The following CSMD1 variants were observed in gnomAD, a reference collection of about 807,000 sequenced individuals.
The protein encoded by CSMD1 is CUB and sushi domain-containing protein 1.
Under a neutral mutation model 417.5 loss-of-function variants are expected in CSMD1, and 213 were observed. The observed-to-expected ratio is 0.51, with a 90% CI of 0.46 to 0.57. The LOEUF (loss-of-function observed/expected upper bound fraction) is 0.57, where lower values mean the gene tolerates loss of function less well. CSMD1 is among the 20% of genes least tolerant of loss of function. CSMD1 has a pLI of 0.00. For missense variants in CSMD1, 6,923 were observed against 4,529.7 expected (o/e 1.53, Z -15.17); for synonymous variants, 2,862 against 1,736.8 (o/e 1.65, Z -16.11).
At chr8:3,954,907 C>T (rs1208862799) in intron 5 of CSMD1, among the ~76,000 whole-genome samples, 1 of 152,170 alleles carries the variant, frequency 6.6e-6, no homozygotes, top group Non-Finnish European at 1.5e-5. Flanking sequence ...AACTCATGCT[C>T]CTCCATCTTT....
Position 3,569,301 on chromosome 8 carries a change from G to T in CSMD1, c.1344+5644C>A, listed in dbSNP as rs182228361. ...AACATGTGATGTGCATTATTAGGGA[G>T]ATGCTAAGATTCCGCAAGTAATTAT... On this transcript the variant is annotated intron_variant, in intron 10 of 69. Coordinates refer to ENST00000635120, the MANE Select transcript of CSMD1 (RefSeq NM_033225.6). Among the ~76,000 whole-genome samples, 1,451 of 152,276 alleles carry T rather than the reference G, an allele frequency of 9.5e-3. 16 individuals carry two copies. Among genetic ancestry groups the T allele is most frequent in the Non-Finnish European group, 0.014 (949 of 68,020 alleles).
chr8:3,508,787 G>A (rs999802803), intron 10 of CSMD1, among the ~76,000 whole-genome samples: 2 of 152,062 alleles, frequency 1.3e-5, no homozygotes, highest in African/African-American at 4.8e-5. Flanking sequence ...CCTCCGTAAT[G>A]CTCCACCACC....
At chr8:3,710,330 A>C (rs1801436753) in intron 6 of CSMD1, among the ~76,000 whole-genome samples, 1 of 152,114 alleles carries the variant, frequency 6.6e-6, no homozygotes, top group Non-Finnish European at 1.5e-5. Context: ...ACACATACCC[A>C]CGACCAACTG....
chr8:4,855,278 A>G (rs1801730459), intron 1 of CSMD1, among the ~76,000 whole-genome samples: 1 of 151,770 alleles, frequency 6.6e-6, no homozygotes, highest in Admixed American at 6.6e-5. Flanking sequence ...AACCATCATC[A>G]AAGACCAAAA....
chr8:4,606,672 G>C lies in CSMD1; in HGVS notation c.302+30670C>G, dbSNP rs151246852. Among the ~76,000 whole-genome samples, 1,363 of 152,224 alleles carry C rather than the reference G, an allele frequency of 9.0e-3. 19 individuals are homozygous for C. Among genetic ancestry groups the C allele is most frequent in the African/African-American group, 0.031 (1,288 of 41,528 alleles). Reference sequence around the variant, plus strand: ...CAACCATGATGTGTTCTATTCACTTGGATGACTTCTGTACATAATATTGTA... The same window carrying C: ...CAACCATGATGTGTTCTATTCACTTCGATGACTTCTGTACATAATATTGTA... On this transcript the variant is annotated intron_variant, in intron 2 of 69. Coordinates refer to ENST00000635120, the MANE Select transcript of CSMD1 (RefSeq NM_033225.6).
intron 50 of CSMD1, among the ~76,000 whole-genome samples, chr8:3,051,538 C>T (rs1472234855): frequency 6.6e-6 from 1 of 152,130 alleles, no homozygotes; most frequent in Admixed American, 6.6e-5. Context: ...ACACCAAACC[C>T]CTGTGACACG....
intron 2 of CSMD1, among the ~76,000 whole-genome samples, chr8:4,515,394 C>A (rs764594451): frequency 6.6e-6 from 1 of 151,990 alleles, no homozygotes; most frequent in East Asian, 1.9e-4. Context: ...GTTATGGGAC[C>A]CATGAAGAGG....
At chr8:3,867,910 C>T (rs1234515136) in intron 5 of CSMD1, among the ~76,000 whole-genome samples, 5 of 151,964 alleles carry the variant, frequency 3.3e-5, no homozygotes, top group African/African-American at 4.8e-5. Flanking sequence ...GTGTCACCTC[C>T]GCCTCCTGCC....
At chr8:3,408,969 A>C (rs1009313320) in intron 13 of CSMD1, among the ~76,000 whole-genome samples, 1 of 152,178 alleles carries the variant, frequency 6.6e-6, no homozygotes, top group Non-Finnish European at 1.5e-5. Flanking sequence ...CTACTTGTTA[A>C]AATAGTATTC....
intron 6 of CSMD1, among the ~76,000 whole-genome samples, chr8:3,752,417 G>T (rs1028226339): frequency 6.6e-6 from 1 of 152,096 alleles, no homozygotes; most frequent in African/African-American, 2.4e-5. Context: ...CACTTTGGGA[G>T]GCCGAGGCAG....
chr8:4,789,188 A>T (rs1797564275), intron 1 of CSMD1, among the ~76,000 whole-genome samples: 1 of 152,240 alleles, frequency 6.6e-6, no homozygotes, highest in African/African-American at 2.4e-5. Flanking sequence ...TGTGCTTAGA[A>T]AATATTCAAT....
intron 6 of CSMD1, among the ~76,000 whole-genome samples, chr8:3,734,404 T>C (rs575079301): frequency 7.9e-5 from 12 of 152,198 alleles, no homozygotes; most frequent in Non-Finnish European, 1.6e-4. Flanking sequence ...TTGGGAACAC[T>C]GCTCAATTTA....
At chr8:4,443,676 C>G (rs746339481) in intron 2 of CSMD1, among the ~76,000 whole-genome samples, 3 of 152,136 alleles carry the variant, frequency 2.0e-5, no homozygotes, top group Non-Finnish European at 4.4e-5. Context: ...GCATTTATAC[C>G]ATTCAATCCT....
intron 3 of CSMD1, among the ~76,000 whole-genome samples, chr8:4,047,420 A>C (rs1320326452): frequency 2.6e-5 from 4 of 152,204 alleles, no homozygotes; most frequent in South Asian, 4.1e-4. Context: ...AAATAAATTG[A>C]AATTAAAATG....
At chr8:3,270,656 A>G (rs1487818959) in intron 26 of CSMD1, among the ~76,000 whole-genome samples, 1 of 152,234 alleles carries the variant, frequency 6.6e-6, no homozygotes, top group Non-Finnish European at 1.5e-5. Flanking sequence ...GCAAGTCTAC[A>G]GTATCAAGTA....
At chr8:4,696,330 C>G (rs781293066) in intron 1 of CSMD1, among the ~76,000 whole-genome samples, 2 of 152,308 alleles carry the variant, frequency 1.3e-5, no homozygotes, top group Non-Finnish European at 1.5e-5. Flanking sequence ...TTCAAAGACT[C>G]TTAGATTATT....
At chr8:3,886,822 T>G (rs192743720) in intron 5 of CSMD1, among the ~76,000 whole-genome samples, 2 of 152,178 alleles carry the variant, frequency 1.3e-5, no homozygotes, top group Admixed American at 6.5e-5. Context: ...GAATAGAGAT[T>G]TGAACACAGA....
chr8:4,535,212 A>G (rs780886078), intron 2 of CSMD1, among the ~76,000 whole-genome samples: 30 of 152,196 alleles, frequency 2.0e-4, no homozygotes, highest in Non-Finnish European at 3.8e-4. Context: ...AATATCAATA[A>G]CATAGTCAAT....
chr8:4,870,140 T>A (rs541681671), intron 1 of CSMD1, among the ~76,000 whole-genome samples: 1 of 152,270 alleles, frequency 6.6e-6, no homozygotes, highest in South Asian at 2.1e-4. Flanking sequence ...TAATTACATA[T>A]ACTTATAAAA....
Sources: gnomAD v4.1 joint callset for allele counts (sites outside exome capture counted in the v4.1 genomes callset) on GRCh38, gnomAD v4.1.1 for gene constraint, MANE v1.5 for transcripts, NCBI Gene and HGNC (gene_info 2026-07-23, HGNC 2026-07-21) for gene names.